NAA35: variants seen among roughly 807,000 people sequenced by gnomAD.
NAA35 encodes N-alpha-acetyltransferase 35, NatC auxiliary subunit.
NAA35 carries 18 observed loss-of-function variants against 101.7 expected under a neutral mutation model. The ratio of observed to expected loss-of-function variants is 0.18; its 90% CI spans 0.12 to 0.26. NAA35 has a LOEUF of 0.26. NAA35 is among the 10% of genes least tolerant of loss of function. The pLI is 1.00. For synonymous variants in NAA35, 267 were observed against 273.1 expected (o/e 0.98, Z 0.22); for missense variants, 601 against 886.8 (o/e 0.68, Z 4.09).
intron 6 of NAA35, among the ~76,000 whole-genome samples, chr9:85,974,687 A>T (rs886302927): frequency 6.6e-6 from 1 of 152,156 alleles, no homozygotes; most frequent in African/African-American, 2.4e-5. Context: ...TATTTTCTTA[A>T]GCATTACCCT....
chr9:86,010,621 C>T lies in NAA35; in HGVS notation c.1290+690C>T, dbSNP rs1831872201. ...ACGGTGTCTCGCTCTGTGGCCCAGG[C>T]GGGAGTGCAGTGGCGCAATCTTGGC... On this transcript the variant is annotated intron_variant, in intron 15 of 22. Coordinates refer to ENST00000361671, the MANE Select transcript of NAA35 (RefSeq NM_024635.4). 2.2e-5 allele frequency among the ~76,000 whole-genome samples: 3 copies of T among 137,372 alleles called. 1 individual carries two copies. Among genetic ancestry groups the T allele is most frequent in the South Asian group, 4.6e-4 (2 of 4,354 alleles). 90.1% of individuals were successfully genotyped at this position (137,372 alleles called of 152,430 possible). A position where few individuals can be genotyped will look rare whatever the true frequency, so the allele number is the denominator to read the frequency against.
chr9:85,959,397 A>G (rs1295716142), intron 4 of NAA35, among the ~76,000 whole-genome samples: 16 of 151,596 alleles, frequency 1.1e-4, no homozygotes, highest in Admixed American at 8.5e-4. Context: ...AAACAAAAAA[A>G]AAAACTTTAG....
chr9:85,988,222 A>G (rs2118169787), intron 11 of NAA35, among the ~76,000 whole-genome samples: 1 of 152,362 alleles, frequency 6.6e-6, no homozygotes, highest in Non-Finnish European at 1.5e-5. Context: ...ATAATCAAAA[A>G]AGAAACTGCA....
intron 2 of NAA35, among the ~76,000 whole-genome samples, chr9:85,945,473 A>G (rs886518266): frequency 6.6e-6 from 1 of 152,048 alleles, no homozygotes; most frequent in African/African-American, 2.4e-5. Context: ...TCTTTCTTTT[A>G]ACTTGCAGTA....
chr9:85,973,348 A>G (rs1830074354), intron 6 of NAA35, among the ~76,000 whole-genome samples: 2 of 152,222 alleles, frequency 1.3e-5, no homozygotes, highest in Admixed American at 1.3e-4. Flanking sequence ...TTTTCAGACA[A>G]TCCTTCTGCC....
chr9:85,981,023 T>C (rs905957426), intron 11 of NAA35, among the ~76,000 whole-genome samples: 2 of 152,190 alleles, frequency 1.3e-5, no homozygotes, highest in African/African-American at 4.8e-5. Context: ...ATATTTTTCT[T>C]TCCGTGCTAA....
At chr9:85,964,306 A>G (rs1408281553) in intron 6 of NAA35, among the ~76,000 whole-genome samples, 1 of 152,088 alleles carries the variant, frequency 6.6e-6, no homozygotes, top group Non-Finnish European at 1.5e-5. Context: ...TCTCATGTAT[A>G]TATGTATGTA....
At chr9:85,941,979 G>T (rs186220082) in intron 1 of NAA35, 176 bp from the exon 2 acceptor site, 3 of 1,235,526 alleles carry the variant, frequency 2.4e-6, no homozygotes, top group Non-Finnish European at 2.1e-6. Context: ...GTTAATTGAC[G>T]TGCGATTTGA....
At chr9:85,993,671 A>G (rs1831028479) in intron 11 of NAA35, among the ~76,000 whole-genome samples, 2 of 152,194 alleles carry the variant, frequency 1.3e-5, no homozygotes, top group South Asian at 2.1e-4. Flanking sequence ...TTGCGCCTCA[A>G]TAAAATTAGA....
At position 85,990,111 on chromosome 9, in the gene NAA35, G is replaced by T. The variant is rs141026371; in HGVS notation, c.878-6288G>T. On this transcript the variant is annotated intron_variant, in intron 11 of 22. Transcript: ENST00000361671. Reference sequence around the variant, plus strand: ...ATTCATGGTGCATGCTCAGCTTCTGGTGAGGCCATGCACTGGGTCAAAACA... The same window carrying T: ...ATTCATGGTGCATGCTCAGCTTCTGTTGAGGCCATGCACTGGGTCAAAACA... Among the ~76,000 whole-genome samples the T allele has an allele frequency of 4.6e-5, 7 of 152,328 alleles. No homozygotes were observed. The East Asian group carries it at 1.4e-3, about 29-fold the overall frequency.
At chr9:85,944,426 T>G (rs1828666681) in intron 2 of NAA35, among the ~76,000 whole-genome samples, 1 of 152,202 alleles carries the variant, frequency 6.6e-6, no homozygotes, top group African/African-American at 2.4e-5. Context: ...TTAGACAAGG[T>G]TTTGCACTCA....
At chr9:86,009,634 CTGAT>C (rs1355230930) in intron 14 of NAA35, among the ~76,000 whole-genome samples, 1 of 152,146 alleles carries the variant, frequency 6.6e-6, no homozygotes, top group African/African-American at 2.4e-5. Flanking sequence ...GGATCCAACT[CTGAT>C]TGTTCAAATA....
intron 6 of NAA35, among the ~76,000 whole-genome samples, chr9:85,964,419 C>T (rs1829656787): frequency 6.6e-6 from 1 of 152,148 alleles, no homozygotes. Flanking sequence ...CCTGCAGAAC[C>T]ACAACACAAT....
chr9:85,974,830 C>T (rs1830143411), intron 6 of NAA35, 137 bp from the exon 7 acceptor site: 4 of 627,166 alleles, frequency 6.4e-6, no homozygotes, highest in Non-Finnish European at 1.1e-5. Context: ...AATATTTAGA[C>T]AAGCAGGATG....
Sources: allele counts gnomAD v4.1 joint callset (sites outside exome capture counted in the v4.1 genomes callset), GRCh38; gene constraint gnomAD v4.1.1; transcripts MANE v1.5; gene names NCBI Gene and HGNC (gene_info 2026-07-23, HGNC 2026-07-21).